The following INSR variants were observed in gnomAD, a reference collection of about 807,000 sequenced individuals.
INSR encodes the protein IR.
INSR carries 67 observed loss-of-function variants against 142.6 expected under a neutral mutation model. The ratio of observed to expected loss-of-function variants is 0.47; its 90% CI spans 0.39 to 0.58. INSR has a LOEUF of 0.58. Among genes scored for constraint, INSR ranks in the 20% least tolerant of loss-of-function variants. The pLI, the probability that INSR is intolerant of heterozygous loss-of-function variation, is 0.00. For synonymous variants in INSR, 756 were observed against 743.1 expected (o/e 1.02, Z -0.28); for missense variants, 1,248 against 1,833.2 (o/e 0.68, Z 5.83).
At chr19:7,153,222 CGCACCACA>C (rs1265317567) in intron 9 of INSR, among the ~76,000 whole-genome samples, 3 of 908 alleles carry the variant, frequency 3.3e-3, no homozygotes, top group African/African-American at 6.7e-3. Flanking sequence ...ACCACACACA[CGCACCACA>C]CACACACCAT....
chr19:7,136,897 T>A (rs1226825282), intron 13 of INSR, among the ~76,000 whole-genome samples: 2 of 151,014 alleles, frequency 1.3e-5, no homozygotes, highest in Admixed American at 1.3e-4. Flanking sequence ...AGTGGTGTGA[T>A]CTCGGAATCA....
At position 7,225,978 on chromosome 19, in the gene INSR, C is replaced by T. The variant is rs138186093; in HGVS notation, c.653-41341G>A. On this transcript the variant is annotated intron_variant, in intron 2 of 21. Transcript: ENST00000302850. The surrounding 1 kb of genome is among the most constrained non-coding windows in gnomAD (Gnocchi z 4.7). ...CCGCAGGCCCCAGGTGGAGAAACCC[C>T]GTCCCGGAATGAGAAGCCCCTCTCC... 2.6e-5 allele frequency among the ~76,000 whole-genome samples: 4 copies of T among 152,322 alleles called. No homozygotes were observed. The highest frequency in any genetic ancestry group is 3.9e-4 in the East Asian group (2 of 5,176).
chr19:7,200,222 A>G (rs1974915527), intron 2 of INSR, among the ~76,000 whole-genome samples: 1 of 152,198 alleles, frequency 6.6e-6, no homozygotes, highest in Non-Finnish European at 1.5e-5. Flanking sequence ...CTTATGGTAG[A>G]TGGATGAGGA....
At chr19:7,123,789 G>T (rs924832360) in intron 17 of INSR, among the ~76,000 whole-genome samples, 1 of 151,914 alleles carries the variant, frequency 6.6e-6, no homozygotes, top group African/African-American at 2.4e-5. Context: ...TGGGTGTGGT[G>T]GTGGGCTCCT....
At chr19:7,240,034 T>G (rs1457274229) in intron 2 of INSR, among the ~76,000 whole-genome samples, 2 of 152,174 alleles carry the variant, frequency 1.3e-5, no homozygotes, top group African/African-American at 4.8e-5. Flanking sequence ...GGAGTATTTT[T>G]AAAGACTAGA....
intron 2 of INSR, among the ~76,000 whole-genome samples, chr19:7,210,827 T>A (rs1975253944): frequency 6.6e-6 from 1 of 152,030 alleles, no homozygotes; most frequent in Non-Finnish European, 1.5e-5. Context: ...CCTCGCGGTT[T>A]CAAGCAATTC....
At chr19:7,249,148 C>A (rs1312312509) in intron 2 of INSR, among the ~76,000 whole-genome samples, 1 of 151,944 alleles carries the variant, frequency 6.6e-6, no homozygotes, top group Non-Finnish European at 1.5e-5. Flanking sequence ...AATTTAAGAC[C>A]ATCCTCTAAC....
At chr19:7,178,624 CAGG>C (rs1974200613) in intron 3 of INSR, among the ~76,000 whole-genome samples, 1 of 152,106 alleles carries the variant, frequency 6.6e-6, no homozygotes, top group African/African-American at 2.4e-5. Context: ...GGGGCTGAGG[CAGG>C]AGAATTGTTT....
At chr19:7,179,203 C>T (rs1485844599) in intron 3 of INSR, among the ~76,000 whole-genome samples, 1 of 152,224 alleles carries the variant, frequency 6.6e-6, no homozygotes, top group Non-Finnish European at 1.5e-5. Flanking sequence ...TGAGCCACCA[C>T]ACCTGGCCAG....
At chr19:7,151,286 T>C (rs888922346) in intron 10 of INSR, among the ~76,000 whole-genome samples, 6 of 150,902 alleles carry the variant, frequency 4.0e-5, no homozygotes, top group Non-Finnish European at 5.9e-5. Context: ...TTCCCTTCCT[T>C]CCTTTTTGAG....
At chr19:7,209,673 C>T (rs1246265128) in intron 2 of INSR, among the ~76,000 whole-genome samples, 2 of 152,044 alleles carry the variant, frequency 1.3e-5, no homozygotes, top group Admixed American at 6.6e-5. Context: ...CTCAGCCTCC[C>T]AAAGTGCTGG....
At chr19:7,291,716 G>C (rs1381082097) in intron 1 of INSR, among the ~76,000 whole-genome samples, 1 of 152,168 alleles carries the variant, frequency 6.6e-6, no homozygotes, top group African/African-American at 2.4e-5. Context: ...AATTACCAAA[G>C]CTACAAGGAA....
intron 9 of INSR, among the ~76,000 whole-genome samples, chr19:7,156,802 T>C (rs902485567): frequency 2.6e-4 from 38 of 144,294 alleles, no homozygotes; most frequent in Non-Finnish European, 4.7e-4. Flanking sequence ...TTTTTTTTTT[T>C]TTTTGAGATG....
chr19:7,224,088 C>T (rs1449539671), intron 2 of INSR, among the ~76,000 whole-genome samples: 1 of 151,798 alleles, frequency 6.6e-6, no homozygotes, highest in Non-Finnish European at 1.5e-5. Context: ...GGACTACAGG[C>T]GTACACCACC....
chr19:7,209,157 C>A (rs1303584777), intron 2 of INSR, among the ~76,000 whole-genome samples: 1 of 151,948 alleles, frequency 6.6e-6, no homozygotes, highest in Non-Finnish European at 1.5e-5. Flanking sequence ...AAGATTCCAT[C>A]TCTAAATAAA....
At position 7,267,180 on chromosome 19, in the gene INSR, G is replaced by A. The variant is rs1967759425; in HGVS notation, c.652+165C>T. On this transcript the variant is annotated intron_variant, in intron 2 of 21. Transcript: ENST00000302850. The surrounding 1 kb of genome is among the most constrained non-coding windows in gnomAD (Gnocchi z 6.3). ...AAAATCTGAAGTATCTACTATCTGA[G>A]TCTTTACAGAAAATGTCTGCCACTC... Among the ~76,000 whole-genome samples the A allele has an allele frequency of 6.6e-6, 1 of 152,134 alleles. No individual in the cohort carries two copies. Among genetic ancestry groups the A allele is most frequent in the Non-Finnish European group, 1.5e-5 (1 of 68,024 alleles).
intron 2 of INSR, among the ~76,000 whole-genome samples, chr19:7,212,865 G>A (rs138656661): frequency 3.0e-4 from 45 of 152,152 alleles, no homozygotes; most frequent in Middle Eastern, 3.4e-3. Flanking sequence ...GGGATTACAG[G>A]TGTGAGCTAC....
Position 7,120,764 on chromosome 19 carries a change from G to T in INSR, c.3530-15C>A, listed in dbSNP as rs201189144. On this transcript the variant is annotated splice_polypyrimidine_tract_variant and intron_variant, in intron 19 of 21. Coordinates refer to ENST00000302850, the MANE Select transcript of INSR (RefSeq NM_000208.4). ...CATTCCAAAGTCTGACAACACAAAA[G>T]GTTCACACGCTCTTAACCTTCAGCC... The T allele has an allele frequency of 8.7e-5, 141 of 1,613,224 alleles. No individual in the cohort carries two copies. In the African/African-American group the frequency reaches 1.3e-3, roughly 14 times the overall value.
chr19:7,250,463 AAAGAAAGAAAGAAAAGAAAGAG>A (rs1976686871), intron 2 of INSR, among the ~76,000 whole-genome samples: 1 of 75,088 alleles, frequency 1.3e-5, no homozygotes, highest in Non-Finnish European at 3.4e-5. Flanking sequence ...AAAAGGAAGA[AAAGAAAGAAAGAAAAGAAAGAG>A]AAGGAAGGAA....
Sources: allele counts gnomAD v4.1 joint callset (sites outside exome capture counted in the v4.1 genomes callset), GRCh38; gene constraint gnomAD v4.1.1; non-coding constraint Gnocchi (gnomAD v3.1); transcripts MANE v1.5; gene names NCBI Gene and HGNC (gene_info 2026-07-23, HGNC 2026-07-21).